The following DOCK3 variants were observed in gnomAD, a reference collection of about 807,000 sequenced individuals.
DOCK3 encodes the protein dedicator of cytokinesis 3.
In DOCK3, 60 loss-of-function variants were observed where a neutral mutation model predicts 265.6. That is an observed-to-expected ratio of 0.23 (90% CI 0.18 to 0.28). DOCK3 has a LOEUF of 0.28. DOCK3 is among the 10% of genes least tolerant of loss of function. The pLI, the probability that DOCK3 is intolerant of heterozygous loss-of-function variation, is 1.00. For missense variants in DOCK3, 1,981 were observed against 2,594.3 expected (o/e 0.76, Z 5.14); for synonymous variants, 881 against 938.0 (o/e 0.94, Z 1.11).
chr3:50,973,525 A>T (rs1300529566), intron 5 of DOCK3, among the ~76,000 whole-genome samples: 1 of 141,472 alleles, frequency 7.1e-6, no homozygotes, highest in Admixed American at 7.3e-5. Context: ...CATTTTCTTA[A>T]TCCAGTCTAT....
chr3:50,845,905 T>C (rs866944814), intron 3 of DOCK3, among the ~76,000 whole-genome samples: 9 of 152,208 alleles, frequency 5.9e-5, no homozygotes, highest in Non-Finnish European at 8.8e-5. Flanking sequence ...ATTGGCAAAA[T>C]GTTGATAATT....
At chr3:51,264,783 C>T (rs538128293) in intron 23 of DOCK3, among the ~76,000 whole-genome samples, 6 of 151,392 alleles carry the variant, frequency 4.0e-5, no homozygotes, top group East Asian at 1.9e-4. Context: ...GCCAAGATCG[C>T]GCCACCACAC....
At chr3:50,699,274 TTGTC>T (rs1335530076) in intron 1 of DOCK3, among the ~76,000 whole-genome samples, 5 of 152,328 alleles carry the variant, frequency 3.3e-5, no homozygotes, top group Non-Finnish European at 1.5e-5. Context: ...ACTGGTCTAT[TTGTC>T]TGTCATTATA....
At position 50,937,859 on chromosome 3, in the gene DOCK3, G is replaced by A. The variant is rs529659178; in HGVS notation, c.315+3782G>A. ...AATAGAGGCAGGTAAAATAGAGGGA[G>A]CAAACACAAAAGTAAATACCAAAAT... On this transcript the variant is annotated intron_variant, in intron 5 of 52. Coordinates refer to ENST00000266037, the MANE Select transcript of DOCK3 (RefSeq NM_004947.5). Among the ~76,000 whole-genome samples, 34 of 151,282 alleles carry A rather than the reference G, an allele frequency of 2.2e-4. 1 individual carries two copies. The highest frequency in any genetic ancestry group is 2.1e-3 in the South Asian group (10 of 4,788).
At chr3:51,294,677 CAAAAAAAA>C (rs59339067) in intron 27 of DOCK3, among the ~76,000 whole-genome samples, 16 of 119,864 alleles carry the variant, frequency 1.3e-4, no homozygotes, top group Admixed American at 8.3e-4. Flanking sequence ...GACTCTATCT[CAAAAAAAA>C]AAAAAAAAAA....
intron 3 of DOCK3, among the ~76,000 whole-genome samples, chr3:50,881,474 AACAG>A (rs1363294078): frequency 4.6e-5 from 7 of 152,208 alleles, no homozygotes; most frequent in African/African-American, 1.7e-4. Flanking sequence ...GTACACCAGT[AACAG>A]ACAGAGAGCC....
rs968001550 is a variant in DOCK3, at chr3:50,699,324, A to G, written c.37+24024A>G. On this transcript the variant is annotated intron_variant, in intron 1 of 52. Coordinates refer to ENST00000266037, the MANE Select transcript of DOCK3 (RefSeq NM_004947.5). ...GCTGCTTTGATACTGTAGCTTTGTCATAAGATTTAAAATCAGGAAGTTGAG... is the reference window on the plus strand; with the variant it reads ...GCTGCTTTGATACTGTAGCTTTGTCGTAAGATTTAAAATCAGGAAGTTGAG... Among the ~76,000 whole-genome samples, 15 of 152,188 alleles carry G rather than the reference A, an allele frequency of 9.9e-5. 1 individual carries two copies. The highest frequency in any genetic ancestry group is 1.5e-5 in the Non-Finnish European group (1 of 68,034).
intron 9 of DOCK3, among the ~76,000 whole-genome samples, chr3:51,144,839 A>G (rs760117451): frequency 6.6e-6 from 1 of 152,228 alleles, no homozygotes; most frequent in Non-Finnish European, 1.5e-5. Context: ...GATACTACAT[A>G]TATTCCATGA....
intron 49 of DOCK3, among the ~76,000 whole-genome samples, chr3:51,371,462 CA>C (rs1247697990): frequency 6.6e-6 from 1 of 152,188 alleles, no homozygotes; most frequent in Non-Finnish European, 1.5e-5. Flanking sequence ...ATCTATCAAG[CA>C]CAGTGTTAGG....
At chr3:50,921,079 T>C (rs1033093792) in intron 4 of DOCK3, among the ~76,000 whole-genome samples, 3 of 152,344 alleles carry the variant, frequency 2.0e-5, no homozygotes, top group African/African-American at 4.8e-5. Flanking sequence ...TTCTTAATCT[T>C]GAGTTCTAGT....
chr3:51,267,344 T>G (rs149674218), intron 23 of DOCK3, among the ~76,000 whole-genome samples: 128 of 151,968 alleles, frequency 8.4e-4, no homozygotes, highest in African/African-American at 3.0e-3. Context: ...TATAAATCAT[T>G]CTACTATAAA....
Position 51,304,037 on chromosome 3 carries a change from G to A in DOCK3, c.2923-6195G>A, listed in dbSNP as rs112690151. On this transcript the variant is annotated intron_variant, in intron 27 of 52. Coordinates refer to ENST00000266037, the MANE Select transcript of DOCK3 (RefSeq NM_004947.5). ...GGAAAGACTAAGTCTGCTGATCTGCGGACACCATAGCCGCAGGTCTCCGCA... is the reference window on the plus strand; with the variant it reads ...GGAAAGACTAAGTCTGCTGATCTGCAGACACCATAGCCGCAGGTCTCCGCA... Among the ~76,000 whole-genome samples, 1,342 of 151,842 alleles carry A rather than the reference G, an allele frequency of 8.8e-3. 15 individuals are homozygous for A. Among genetic ancestry groups the A allele is most frequent in the African/African-American group, 0.027 (1,130 of 41,418 alleles).
chr3:50,988,879 A>G (rs779430708), intron 5 of DOCK3, among the ~76,000 whole-genome samples: 12 of 152,154 alleles, frequency 7.9e-5, no homozygotes, highest in Non-Finnish European at 1.6e-4. Context: ...AGAGCTATCA[A>G]GCGAGTGGCA....
chr3:50,999,770 A>G (rs1050651225), intron 5 of DOCK3, among the ~76,000 whole-genome samples: 1 of 152,200 alleles, frequency 6.6e-6, no homozygotes, highest in Non-Finnish European at 1.5e-5. Context: ...TAATAGACCA[A>G]AATGATTAAG....
intron 27 of DOCK3, among the ~76,000 whole-genome samples, chr3:51,288,670 T>C (rs1457868130): frequency 6.6e-6 from 1 of 152,104 alleles, no homozygotes; most frequent in Non-Finnish European, 1.5e-5. Context: ...AAAAACTCAC[T>C]TAGAATGAGG....
intron 3 of DOCK3, among the ~76,000 whole-genome samples, chr3:50,868,541 T>G (rs1466543588): frequency 6.6e-6 from 1 of 152,102 alleles, no homozygotes; most frequent in Non-Finnish European, 1.5e-5. Flanking sequence ...ACCCGGCTAA[T>G]TTTTGTATAT....
chr3:50,808,811 T>A (rs1006771801), intron 2 of DOCK3, among the ~76,000 whole-genome samples: 1 of 152,206 alleles, frequency 6.6e-6, no homozygotes, highest in Non-Finnish European at 1.5e-5. Context: ...GACATTGTAG[T>A]GCAGTGGAGA....
chr3:51,024,366 C>T (rs2079722204), intron 5 of DOCK3, among the ~76,000 whole-genome samples: 1 of 152,112 alleles, frequency 6.6e-6, no homozygotes, highest in Non-Finnish European at 1.5e-5. Flanking sequence ...AGGCTTTAGG[C>T]CAGTTGTGGA....
At chr3:51,229,768 C>CTTTTATTTTTTA (rs1223673082) in intron 19 of DOCK3, among the ~76,000 whole-genome samples, 159 bp downstream of exon 19, 1 of 151,864 alleles carries the variant, frequency 6.6e-6, no homozygotes, top group East Asian at 1.9e-4. Context: ...TTTTGGTATG[C>CTTTTATTTTTTA]TTTTATTTTT....
Sources: gnomAD v4.1 joint callset for allele counts (sites outside exome capture counted in the v4.1 genomes callset) on GRCh38, gnomAD v4.1.1 for gene constraint, MANE v1.5 for transcripts, NCBI Gene and HGNC (gene_info 2026-07-23, HGNC 2026-07-21) for gene names.